The following KDM4C variants were observed in gnomAD, a reference collection of about 807,000 sequenced individuals.
The protein encoded by KDM4C is lysine-specific demethylase 4C.
Under a neutral mutation model 129.3 loss-of-function variants are expected in KDM4C, and 81 were observed. The ratio of observed to expected loss-of-function variants is 0.63; its 90% CI spans 0.52 to 0.75. The LOEUF (loss-of-function observed/expected upper bound fraction) is 0.75, where lower values mean the gene tolerates loss of function less well. Ranked by LOEUF, KDM4C falls within the 30% of genes least tolerant of loss-of-function variation. The pLI, the probability that KDM4C is intolerant of heterozygous loss-of-function variation, is 0.00. For synonymous variants in KDM4C, 573 were observed against 456.1 expected (o/e 1.26, Z -3.26); for missense variants, 1,457 against 1,304.0 (o/e 1.12, Z -1.81).
chr9:7,157,840 G>C (rs1408099426), intron 19 of KDM4C, among the ~76,000 whole-genome samples: 1 of 152,152 alleles, frequency 6.6e-6, no homozygotes, highest in Non-Finnish European at 1.5e-5. Flanking sequence ...TCTCTGCCAG[G>C]CTTTGGTATC....
chr9:7,002,871 TTG>T (rs1820983062), intron 12 of KDM4C, among the ~76,000 whole-genome samples: 1 of 152,196 alleles, frequency 6.6e-6, no homozygotes, highest in African/African-American at 2.4e-5. Flanking sequence ...CTCTACACTC[TTG>T]TGTTTTAGAT....
intron 17 of KDM4C, among the ~76,000 whole-genome samples, chr9:7,086,216 T>C (rs1245430372): frequency 6.6e-6 from 1 of 152,200 alleles, no homozygotes; most frequent in Non-Finnish European, 1.5e-5. Context: ...CAAACAGGAA[T>C]TTTTTAATAT....
intron 8 of KDM4C, among the ~76,000 whole-genome samples, chr9:6,896,884 C>G (rs941453442): frequency 6.6e-6 from 1 of 152,172 alleles, no homozygotes; most frequent in East Asian, 1.9e-4. Flanking sequence ...TCTGGTGTCC[C>G]TGGAGCAGGA....
upstream of KDM4C, among the ~76,000 whole-genome samples, chr9:6,753,868 CTTTTT>C (rs869158656): frequency 6.2e-5 from 5 of 80,362 alleles, no homozygotes; most frequent in Admixed American, 5.1e-4. Flanking sequence ...TCATTGAATT[CTTTTT>C]TTTTTTTTTT....
intron 17 of KDM4C, among the ~76,000 whole-genome samples, chr9:7,084,973 G>A (rs763733596): frequency 6.6e-6 from 1 of 152,174 alleles, no homozygotes; most frequent in Non-Finnish European, 1.5e-5. Context: ...TAATTTGGAG[G>A]GTCAAGAGTG....
intron 1 of KDM4C, among the ~76,000 whole-genome samples, chr9:6,780,496 G>A (rs1237720652): frequency 6.6e-6 from 1 of 151,920 alleles, no homozygotes; most frequent in East Asian, 2.0e-4. Flanking sequence ...GCCAGGTGCT[G>A]TGGCTCACAC....
chr9:7,112,723 G>A (rs1051654610), intron 18 of KDM4C, among the ~76,000 whole-genome samples: 2 of 152,094 alleles, frequency 1.3e-5, no homozygotes, highest in Admixed American at 6.6e-5. Flanking sequence ...CACTTCGTCT[G>A]GAGCTCACTT....
intron 12 of KDM4C, among the ~76,000 whole-genome samples, chr9:7,009,151 A>G (rs774770573): frequency 4.7e-4 from 71 of 152,256 alleles, no homozygotes; most frequent in Non-Finnish European, 9.6e-4. Flanking sequence ...GAAATCAGGA[A>G]GACAATGCAC....
intron 8 of KDM4C, among the ~76,000 whole-genome samples, chr9:6,896,745 A>G (rs1816521727): frequency 6.6e-6 from 1 of 152,156 alleles, no homozygotes; most frequent in Admixed American, 6.5e-5. Context: ...GCTGTGTGCC[A>G]GGCATCATGT....
intron 1 of KDM4C, among the ~76,000 whole-genome samples, chr9:6,746,567 C>T (rs919019652): frequency 2.7e-5 from 4 of 150,916 alleles, no homozygotes; most frequent in African/African-American, 4.9e-5. Flanking sequence ...CCGCGCCCGG[C>T]CCATTTTGTA....
chr9:6,803,680 G>A (rs896537258), intron 2 of KDM4C, among the ~76,000 whole-genome samples: 9 of 151,622 alleles, frequency 5.9e-5, no homozygotes, highest in African/African-American at 2.2e-4. Context: ...GGGAGGCCAA[G>A]GCAGATCAGT....
intron 1 of KDM4C, among the ~76,000 whole-genome samples, chr9:6,774,824 C>CT (rs1822663366): frequency 6.6e-6 from 1 of 152,156 alleles, no homozygotes; most frequent in African/African-American, 2.4e-5. Context: ...GTATGTTTCT[C>CT]TTCTATCTCA....
At chr9:6,993,566 C>T (rs1189486630) in intron 12 of KDM4C, among the ~76,000 whole-genome samples, 1 of 152,132 alleles carries the variant, frequency 6.6e-6, no homozygotes, top group Non-Finnish European at 1.5e-5. Flanking sequence ...ATATTATTGG[C>T]ATATTCCTGC....
chr9:6,963,075 CT>C (rs1164516641), intron 8 of KDM4C, among the ~76,000 whole-genome samples: 1 of 152,160 alleles, frequency 6.6e-6, no homozygotes, highest in Non-Finnish European at 1.5e-5. Context: ...ATTACTTAAT[CT>C]TTCTGTGCAT....
At chr9:7,143,255 C>T (rs1339094663) in intron 19 of KDM4C, among the ~76,000 whole-genome samples, 1 of 152,172 alleles carries the variant, frequency 6.6e-6, no homozygotes, top group East Asian at 1.9e-4. Context: ...AGGAAAGTAA[C>T]TGAGGATGCT....
chr9:7,017,470 G>C (rs935204784), intron 15 of KDM4C, among the ~76,000 whole-genome samples: 2 of 151,874 alleles, frequency 1.3e-5, no homozygotes, highest in African/African-American at 4.8e-5. Context: ...AGATTTTTTT[G>C]GGGGCAGAAG....
chr9:6,919,222 C>CTT (rs1563812029), intron 8 of KDM4C, among the ~76,000 whole-genome samples: 1 of 107,484 alleles, frequency 9.3e-6, no homozygotes, highest in Non-Finnish European at 2.0e-5. Context: ...TTTTCTTTTT[C>CTT]CTTCTTTCTT....
intron 18 of KDM4C, among the ~76,000 whole-genome samples, chr9:7,120,833 C>T (rs372609495): frequency 2.0e-5 from 3 of 152,086 alleles, no homozygotes; most frequent in Admixed American, 2.0e-4. Context: ...TCCTAACTCA[C>T]TTGGTCAGCT....
chr9:7,164,478 A>G (rs534113614), intron 19 of KDM4C, among the ~76,000 whole-genome samples: 13 of 152,248 alleles, frequency 8.5e-5, no homozygotes, highest in Middle Eastern at 3.4e-3. Flanking sequence ...TGCCACCATG[A>G]TTACCTGCAG....
Sources: allele counts gnomAD v4.1 joint callset (sites outside exome capture counted in the v4.1 genomes callset), GRCh38; gene constraint gnomAD v4.1.1; transcripts MANE v1.5; gene names NCBI Gene and HGNC (gene_info 2026-07-23, HGNC 2026-07-21).